The following TOX3 variants were observed in gnomAD, a reference collection of about 807,000 sequenced individuals.
TOX3 encodes TOX high mobility group box family member 3.
Under a neutral mutation model 64.3 loss-of-function variants are expected in TOX3, and 22 were observed. The observed-to-expected ratio is 0.34, with a 90% CI of 0.24 to 0.49. TOX3 has a LOEUF of 0.49. Among genes scored for constraint, TOX3 ranks in the 20% least tolerant of loss-of-function variants. The probability of loss-of-function intolerance (pLI) is 0.99; values close to 1 mark genes in which losing one functional copy is unlikely to be tolerated. For synonymous variants in TOX3, 291 were observed against 273.6 expected (o/e 1.06, Z -0.63); for missense variants, 661 against 714.4 (o/e 0.93, Z 0.85).
At chr16:52,497,959 G>A (rs112418254) in intron 1 of TOX3, among the ~76,000 whole-genome samples, 157 of 152,208 alleles carry the variant, frequency 1.0e-3, no homozygotes, top group African/African-American at 3.7e-3. Context: ...GAGATTCACC[G>A]TAGAACCCAG....
At chr16:52,489,606 A>G (rs1021781767) in intron 1 of TOX3, among the ~76,000 whole-genome samples, 2 of 152,056 alleles carry the variant, frequency 1.3e-5, no homozygotes, top group African/African-American at 4.8e-5. Flanking sequence ...ATCCTCTAAC[A>G]ATTCATCATG....
At chr16:52,519,209 G>C (rs1962533861) in intron 1 of TOX3, among the ~76,000 whole-genome samples, 1 of 152,156 alleles carries the variant, frequency 6.6e-6, no homozygotes, top group South Asian at 2.1e-4. Flanking sequence ...GCCACAAATT[G>C]TTTAAAGCCA....
chr16:52,528,670 G>C (rs1962781312), intron 1 of TOX3, among the ~76,000 whole-genome samples: 1 of 152,152 alleles, frequency 6.6e-6, no homozygotes, highest in Non-Finnish European at 1.5e-5. Context: ...ACCAACCTAA[G>C]GGGGAAGGAA....
intron 1 of TOX3, among the ~76,000 whole-genome samples, chr16:52,476,217 T>C (rs2151445258): frequency 6.6e-6 from 1 of 152,292 alleles, no homozygotes; most frequent in African/African-American, 2.4e-5. Flanking sequence ...CAAGTTCCAT[T>C]GTTGGATTCT....
At chr16:52,536,623 T>C (rs1022140131) in intron 1 of TOX3, among the ~76,000 whole-genome samples, 2 of 106,424 alleles carry the variant, frequency 1.9e-5, no homozygotes, top group Admixed American at 1.1e-4. Flanking sequence ...GAAATAGATA[T>C]ACACTATATA....
At chr16:52,528,544 C>A (rs1334294109) in intron 1 of TOX3, among the ~76,000 whole-genome samples, 2 of 152,080 alleles carry the variant, frequency 1.3e-5, no homozygotes, top group Non-Finnish European at 2.9e-5. Context: ...TCAAACCGGG[C>A]AGACTGCCTG....
intron 6 of TOX3, among the ~76,000 whole-genome samples, chr16:52,441,283 G>A (rs923335406): frequency 1.1e-4 from 16 of 152,152 alleles, no homozygotes; most frequent in African/African-American, 3.9e-4. Flanking sequence ...AACCATTATT[G>A]GTTTCCTCAG....
intron 1 of TOX3, among the ~76,000 whole-genome samples, chr16:52,478,292 T>A (rs2151446877): frequency 6.6e-6 from 1 of 152,290 alleles, no homozygotes; most frequent in South Asian, 2.1e-4. Flanking sequence ...AACACTGCAC[T>A]GCCTGGTCCT....
chr16:52,447,451 C>T (rs1360820796), intron 4 of TOX3, among the ~76,000 whole-genome samples: 1 of 152,098 alleles, frequency 6.6e-6, no homozygotes, highest in Non-Finnish European at 1.5e-5. Context: ...AGGGAGGAAA[C>T]GGATAAGGAA....
At chr16:52,442,192 C>G (rs919224005) in intron 6 of TOX3, among the ~76,000 whole-genome samples, 1 of 152,136 alleles carries the variant, frequency 6.6e-6, no homozygotes, top group African/African-American at 2.4e-5. Flanking sequence ...TAATAGTAAG[C>G]TTCCATGAAT....
intron 1 of TOX3, among the ~76,000 whole-genome samples, chr16:52,509,846 T>C (rs2151470752): frequency 6.6e-6 from 1 of 152,338 alleles, no homozygotes; most frequent in East Asian, 1.9e-4. Flanking sequence ...GTTTCATTAA[T>C]GTAATTAACC....
chr16:52,540,904 A>C (rs1963064226), intron 1 of TOX3, among the ~76,000 whole-genome samples: 1 of 152,114 alleles, frequency 6.6e-6, no homozygotes, highest in South Asian at 2.1e-4. Flanking sequence ...TGCCAACCCA[A>C]AGACTTCTTT....
At chr16:52,516,338 C>T (rs1036779674) in intron 1 of TOX3, among the ~76,000 whole-genome samples, 2 of 152,028 alleles carry the variant, frequency 1.3e-5, no homozygotes, top group Non-Finnish European at 2.9e-5. Context: ...TACAGATAGA[C>T]ACATAAATGA....
intron 1 of TOX3, among the ~76,000 whole-genome samples, chr16:52,531,211 C>T (rs1333086492): frequency 2.6e-5 from 4 of 152,010 alleles, no homozygotes; most frequent in African/African-American, 9.7e-5. Context: ...TTTTGAGTCA[C>T]ATGGACAATA....
intron 1 of TOX3, among the ~76,000 whole-genome samples, chr16:52,492,306 C>T (rs908964035): frequency 6.8e-6 from 1 of 146,016 alleles, no homozygotes; most frequent in Non-Finnish European, 1.5e-5. Flanking sequence ...CTATAAATCT[C>T]TATTTCAGTA....
chr16:52,498,515 T>G (rs551395106), intron 1 of TOX3, among the ~76,000 whole-genome samples: 1 of 152,284 alleles, frequency 6.6e-6, no homozygotes, highest in South Asian at 2.1e-4. Context: ...AGCAATTTTC[T>G]TCATTCATCT....
In TOX3 at chr16:52,439,437, G is replaced by A; in HGVS notation, c.1519C>T (p.Gln507Ter). Residue 507 changes from glutamine to a stop codon, truncating the protein, a stop_gained, in exon 7 of 7, where the codon CAG (glutamine) becomes TAG (stop). Transcript: ENST00000219746. LOFTEE classifies it high-confidence loss of function. ...TGGAGGCGCTGCTGCAGCTGCTGCT[G>A]CAGCTGCTGTTGATTAATTTGCTGC... ...LQQQINQQQL[Q>*]QQLQQRLQLQ... 1 of 1,533,780 alleles carries A rather than the reference G, an allele frequency of 6.5e-7. No homozygotes were observed. The highest frequency in any genetic ancestry group is 1.2e-5 in the South Asian group (1 of 85,056).
At chr16:52,483,350 A>G (rs1205475084) in intron 1 of TOX3, among the ~76,000 whole-genome samples, 1 of 152,218 alleles carries the variant, frequency 6.6e-6, no homozygotes, top group Non-Finnish European at 1.5e-5. Context: ...AACAGAAAAT[A>G]CATTATATTA....
chr16:52,466,562 A>G (rs892242621), intron 2 of TOX3, among the ~76,000 whole-genome samples: 4 of 152,228 alleles, frequency 2.6e-5, no homozygotes, highest in African/African-American at 9.6e-5. Context: ...TGTTCAAGAA[A>G]AGATGTACAG....
Sources: gnomAD v4.1 joint callset for allele counts (sites outside exome capture counted in the v4.1 genomes callset) on GRCh38, gnomAD v4.1.1 for gene constraint, MANE v1.5 for transcripts, NCBI Gene and HGNC (gene_info 2026-07-23, HGNC 2026-07-21) for gene names.